Variants in CLIP2 observed in about 807,000 individuals in gnomAD.
CLIP2 encodes CAP-Gly domain-containing linker protein 2.
Under a neutral mutation model 111.7 loss-of-function variants are expected in CLIP2, and 41 were observed. That is an observed-to-expected ratio of 0.37 (90% CI 0.29 to 0.48). The LOEUF is 0.48. Ranked by LOEUF, CLIP2 falls within the 20% of genes least tolerant of loss-of-function variation. The pLI is 0.99. For missense variants in CLIP2, 1,160 were observed against 1,422.1 expected (o/e 0.82, Z 2.96); for synonymous variants, 660 against 644.2 (o/e 1.02, Z -0.37).
chr7:74,296,247 G>C (rs116656781), intron 1 of CLIP2, among the ~76,000 whole-genome samples: 1 of 151,926 alleles, frequency 6.6e-6, no homozygotes, highest in Non-Finnish European at 1.5e-5. Flanking sequence ...CAAGCCTCAC[G>C]TCTGTAATCC....
intron 2 of CLIP2, among the ~76,000 whole-genome samples, chr7:74,335,478 A>G (rs548698429): frequency 2.0e-5 from 3 of 150,494 alleles, no homozygotes; most frequent in Admixed American, 6.7e-5. Flanking sequence ...TACAGGCTGC[A>G]TAACTGCACC....
intron 2 of CLIP2, among the ~76,000 whole-genome samples, chr7:74,337,213 G>T (rs1297708003): frequency 3.9e-5 from 6 of 152,198 alleles, no homozygotes; most frequent in African/African-American, 1.4e-4. Flanking sequence ...GGGGTCTGTG[G>T]ACCCTGAGGC....
At chr7:74,370,944 C>A (rs143682665) in intron 8 of CLIP2, among the ~76,000 whole-genome samples, 12 of 152,150 alleles carry the variant, frequency 7.9e-5, no homozygotes, top group Non-Finnish European at 1.8e-4. Context: ...TCCCCACCCC[C>A]CAGAATATAA....
chr7:74,373,579 T>C (rs1337643475), intron 9 of CLIP2, among the ~76,000 whole-genome samples: 6 of 152,282 alleles, frequency 3.9e-5, no homozygotes, highest in Admixed American at 6.5e-5. Flanking sequence ...GGGGGTGGTC[T>C]TTGTTTTTTG....
intron 2 of CLIP2, among the ~76,000 whole-genome samples, chr7:74,329,842 C>T (rs940928653): frequency 2.9e-4 from 44 of 152,078 alleles, no homozygotes; most frequent in East Asian, 9.6e-4. Flanking sequence ...TGCAATGGCA[C>T]GATCTCAGCT....
chr7:74,401,527 C>G lies in CLIP2; in HGVS notation c.3089C>G (p.Ala1030Gly), dbSNP rs781948118. 1.2e-6 allele frequency: 2 copies of G among 1,613,990 alleles called. No homozygotes were observed. The highest frequency in any genetic ancestry group is 1.7e-6 in the Non-Finnish European group (2 of 1,180,020). Residue 1030 changes from alanine to glycine, a missense_variant, in exon 16 of 17, where the codon GCA becomes GGA. Ala to Gly is a moderately conservative substitution (Grantham distance 60, BLOSUM62 0). Coordinates refer to ENST00000223398, the MANE Select transcript of CLIP2 (RefSeq NM_003388.5). ...CAGACCATCGGCAATTCCGGTTCTG[C>G]AAACGGCATCCACCAGCAGGACAAA... Reference protein sequence around the residue: ...KAQTIGNSGSANGIHQQDKAQ... With the variant: ...KAQTIGNSGSGNGIHQQDKAQ...
At chr7:74,398,710 G>A (rs1052491987) in intron 14 of CLIP2, among the ~76,000 whole-genome samples, 5 of 152,230 alleles carry the variant, frequency 3.3e-5, no homozygotes, top group African/African-American at 7.2e-5. Flanking sequence ...CACCCAGACT[G>A]TGGCTGTGGG....
At chr7:74,331,492 A>C (rs1789276764) in intron 2 of CLIP2, among the ~76,000 whole-genome samples, 1 of 149,728 alleles carries the variant, frequency 6.7e-6, no homozygotes, top group African/African-American at 2.5e-5. Context: ...ATCCTGACTG[A>C]GGTGAGCAAG....
intron 8 of CLIP2, chr7:74,364,891 T>C (rs1790432917): frequency 2.2e-6 from 1 of 455,312 alleles, no homozygotes; most frequent in Non-Finnish European, 4.4e-6. Context: ...AGCATGGTCA[T>C]GTGCACCTGT....
intron 1 of CLIP2, among the ~76,000 whole-genome samples, chr7:74,312,405 C>T (rs1788664864): frequency 6.6e-6 from 1 of 152,080 alleles, no homozygotes; most frequent in South Asian, 2.1e-4. Context: ...AATGCTCTCC[C>T]TTCTCTGCAT....
At chr7:74,344,845 G>A (rs1186762785) in intron 3 of CLIP2, among the ~76,000 whole-genome samples, 1 of 152,152 alleles carries the variant, frequency 6.6e-6, no homozygotes, top group African/African-American at 2.4e-5. Flanking sequence ...CCCACCTGAA[G>A]GCCAGAGACC....
rs1791655976 is a variant in CLIP2, at chr7:74,402,739, C to T, written c.3130-1098C>T. On this transcript the variant is annotated intron_variant, in intron 16 of 16. Transcript: ENST00000223398. ...AGAACCTAGTTCTGACTGCAGAATC[C>T]CTGGAGCACAGATGCTCGCTAGAAA... is the stretch of plus-strand genomic sequence containing the variant. 2.0e-5 allele frequency among the ~76,000 whole-genome samples: 3 copies of T among 152,050 alleles called. No homozygotes were observed. In the South Asian group the frequency reaches 6.2e-4, roughly 32 times the overall value.
Position 74,312,916 on chromosome 7 carries a change from C to T in CLIP2, c.-67-4564C>T, listed in dbSNP as rs1564031671. On this transcript the variant is annotated intron_variant, in intron 1 of 16. Coordinates refer to ENST00000223398, the MANE Select transcript of CLIP2 (RefSeq NM_003388.5). ...ACAGGTAGTAGCATTGCTGACTCAT[C>T]GGATGCCCTCACGCACATTCCTGAC... is the stretch of plus-strand genomic sequence containing the variant. Among the ~76,000 whole-genome samples, 3 of 152,192 alleles carry T rather than the reference C, an allele frequency of 2.0e-5. No homozygotes were observed. In the East Asian group the frequency reaches 5.8e-4, roughly 29 times the overall value.
In CLIP2 at chr7:74,360,295, C is replaced by A. The variant is rs1314072101; in HGVS notation, c.1319+17C>A. 3.2e-6 allele frequency: 5 copies of A among 1,563,412 alleles called. No individual in the cohort carries two copies. In the East Asian group the frequency reaches 9.3e-5, roughly 29 times the overall value. On this transcript the variant is annotated intron_variant, in intron 7 of 16. Transcript: ENST00000223398. ...GGAGAGGAGGTACGTGCTGGCCCAC[C>A]CTCGCCCTGGCCCTGAGTCCCCTTA... is the stretch of plus-strand genomic sequence containing the variant.
intron 3 of CLIP2, among the ~76,000 whole-genome samples, chr7:74,341,743 C>T (rs1288084623): frequency 1.3e-5 from 2 of 152,114 alleles, no homozygotes; most frequent in East Asian, 3.9e-4. Flanking sequence ...AGGCCCATGC[C>T]ACCATACCTG....
intron 13 of CLIP2, 81 bp downstream of exon 13, chr7:74,389,340 T>C: frequency 7.1e-7 from 1 of 1,402,274 alleles, no homozygotes; most frequent in South Asian, 1.5e-5. Context: ...TCATGTTATC[T>C]TGGGGCAGAG....
At chr7:74,392,952 G>A (rs141188732) in intron 13 of CLIP2, among the ~76,000 whole-genome samples, 3 of 151,946 alleles carry the variant, frequency 2.0e-5, no homozygotes, top group African/African-American at 7.2e-5. Context: ...ATGGGCGTGG[G>A]CCCCCTGAGT....
At chr7:74,346,244 G>T (rs971319249) in intron 3 of CLIP2, among the ~76,000 whole-genome samples, 2 of 151,982 alleles carry the variant, frequency 1.3e-5, no homozygotes, top group Non-Finnish European at 1.5e-5. Flanking sequence ...GTCTCCCAAA[G>T]TGTTGGGATT....
chr7:74,400,807 A>C (rs1791597290), intron 15 of CLIP2, among the ~76,000 whole-genome samples: 1 of 149,786 alleles, frequency 6.7e-6, no homozygotes, highest in African/African-American at 2.5e-5. Context: ...CCCGGGTCTG[A>C]ATGGGGAGGT....
Sources: gnomAD v4.1 joint callset for allele counts (sites outside exome capture counted in the v4.1 genomes callset) on GRCh38, gnomAD v4.1.1 for gene constraint, MANE v1.5 for transcripts, NCBI Gene and HGNC (gene_info 2026-07-23, HGNC 2026-07-21) for gene names.